YES1: variants seen among roughly 807,000 people sequenced by gnomAD.
YES1 encodes YES proto-oncogene 1, Src family tyrosine kinase, also known as tyrosine-protein kinase Yes.
In YES1, 39 loss-of-function variants were observed where a neutral mutation model predicts 70.4. That is an observed-to-expected ratio of 0.55 (90% CI 0.43 to 0.72). The LOEUF (loss-of-function observed/expected upper bound fraction) is 0.72. Among genes scored for constraint, YES1 ranks in the 30% least tolerant of loss-of-function variants. YES1 has a pLI of 0.00. For missense variants in YES1, 495 were observed against 644.8 expected (o/e 0.77, Z 2.52); for synonymous variants, 198 against 218.6 (o/e 0.91, Z 0.83).
intron 1 of YES1, among the ~76,000 whole-genome samples, chr18:804,011 A>G (rs1906955560): frequency 6.6e-6 from 1 of 152,214 alleles, no homozygotes; most frequent in African/African-American, 2.4e-5. Context: ...CTTTCAGAAC[A>G]CTGTAATTTT....
At chr18:801,829 T>A (rs984888245) in intron 1 of YES1, among the ~76,000 whole-genome samples, 1 of 152,218 alleles carries the variant, frequency 6.6e-6, no homozygotes, top group African/African-American at 2.4e-5. Context: ...ATTCTTTTGA[T>A]GAATTAAGTT....
intron 1 of YES1, among the ~76,000 whole-genome samples, chr18:788,293 C>T (rs1240220961): frequency 1.3e-5 from 2 of 152,034 alleles, no homozygotes; most frequent in Admixed American, 6.6e-5. Context: ...AGCCTTTTAG[C>T]GTGGGCTATA....
intron 1 of YES1, among the ~76,000 whole-genome samples, chr18:806,343 T>C (rs1568223491): frequency 6.6e-6 from 1 of 152,244 alleles, no homozygotes; most frequent in East Asian, 1.9e-4. Context: ...AAATGACCTT[T>C]AAATTCATAT....
At chr18:748,849 T>C (rs1598903491) in intron 3 of YES1, among the ~76,000 whole-genome samples, 1 of 152,002 alleles carries the variant, frequency 6.6e-6, no homozygotes, top group Non-Finnish European at 1.5e-5. Flanking sequence ...CAATTAACAA[T>C]GAGCAACAAA....
chr18:725,827 T>C (rs1354273720), intron 11 of YES1, among the ~76,000 whole-genome samples: 5 of 152,048 alleles, frequency 3.3e-5, no homozygotes, highest in Non-Finnish European at 4.4e-5. Context: ...GAGGTTGCAG[T>C]GAGCCGAGAT....
intron 10 of YES1, among the ~76,000 whole-genome samples, chr18:734,228 A>C (rs1460601248): frequency 6.6e-6 from 1 of 151,496 alleles, no homozygotes; most frequent in Admixed American, 6.6e-5. Context: ...GCAGTGAGCC[A>C]AGATCATGCC....
At chr18:775,133 C>A (rs1372485807) in intron 1 of YES1, 2 of 152,068 alleles carry the variant, frequency 1.3e-5, no homozygotes, top group Admixed American at 1.3e-4. Context: ...TAAAAGTAAA[C>A]CTCATAGAGT....
intron 3 of YES1, among the ~76,000 whole-genome samples, chr18:750,650 T>C (rs969372810): frequency 4.6e-5 from 7 of 152,176 alleles, no homozygotes; most frequent in African/African-American, 1.2e-4. Flanking sequence ...ACAGCTATGA[T>C]TGAGGTTTGC....
At chr18:775,384 C>T (rs866376994) in intron 1 of YES1, 1 of 152,280 alleles carries the variant, frequency 6.6e-6, no homozygotes, top group Admixed American at 6.5e-5. Context: ...CAGACCAAGA[C>T]ACCCTGTCAG....
Position 722,731 on chromosome 18 carries a change from T to G in YES1, c.*1693A>C, listed in dbSNP as rs1320683735. The G allele has an allele frequency of 6.6e-6, 1 of 152,192 alleles. No homozygotes were observed. The highest frequency in any genetic ancestry group is 1.5e-5 in the Non-Finnish European group (1 of 68,034). The allele number at this position is 152,192 out of a possible 1,614,324, so 9.4% of individuals were successfully genotyped here. On this transcript the variant is annotated 3_prime_UTR_variant, in exon 12 of 12. Coordinates refer to ENST00000314574, the MANE Select transcript of YES1 (RefSeq NM_005433.4). ...CCACCGTTAATATTCAGAATAAGTT[T>G]TCCTCCCCAAATCAACCATTTAATG...
In YES1 at chr18:732,824, G is replaced by A. The variant is rs1342481467; in HGVS notation, c.1423+10C>T. The A allele has an allele frequency of 6.8e-6, 11 of 1,613,936 alleles. No individual in the cohort carries two copies. Among genetic ancestry groups the A allele is most frequent in the Non-Finnish European group, 9.3e-6 (11 of 1,179,942 alleles). On this transcript the variant is annotated intron_variant, in intron 11 of 11. Transcript: ENST00000314574. ...ATGAGATAACCAAGAGCTATAAAAT[G>A]CAAGCTTACCTGGATATGGCACTCG...
intron 1 of YES1, among the ~76,000 whole-genome samples, chr18:762,170 A>G (rs1307675255): frequency 6.6e-6 from 1 of 152,208 alleles, no homozygotes; most frequent in Non-Finnish European, 1.5e-5. Flanking sequence ...AAAATACAAA[A>G]TTAGCTGGGC....
chr18:765,865 G>C (rs1904883447), intron 1 of YES1, among the ~76,000 whole-genome samples: 1 of 152,146 alleles, frequency 6.6e-6, no homozygotes, highest in South Asian at 2.1e-4. Context: ...TTTACCAAGA[G>C]CATTTCTTAA....
chr18:782,654 T>C (rs1224731258), intron 1 of YES1, among the ~76,000 whole-genome samples: 1 of 152,224 alleles, frequency 6.6e-6, no homozygotes, highest in Non-Finnish European at 1.5e-5. Context: ...ATGTGTGACA[T>C]CAATATAAAA....
At chr18:726,070 C>A (rs939989591) in intron 11 of YES1, among the ~76,000 whole-genome samples, 2 of 152,216 alleles carry the variant, frequency 1.3e-5, no homozygotes, top group East Asian at 1.9e-4. Flanking sequence ...TAGGATTAAG[C>A]AATCCAAATA....
chr18:769,085 G>C (rs753395913), intron 1 of YES1, among the ~76,000 whole-genome samples: 1 of 152,126 alleles, frequency 6.6e-6, no homozygotes, highest in Non-Finnish European at 1.5e-5. Flanking sequence ...TTGTAGCCTA[G>C]GAGCCATAGG....
chr18:724,737 G>GA, intron 11 of YES1, 105 bp from the exon 12 acceptor site: 3 of 814,116 alleles, frequency 3.7e-6, no homozygotes, highest in Non-Finnish European at 5.8e-6. Context: ...ATTATTTAGT[G>GA]AAACAATTCT....
chr18:811,137 T>C (rs1158716743), intron 1 of YES1, among the ~76,000 whole-genome samples: 1 of 152,224 alleles, frequency 6.6e-6, no homozygotes, highest in Non-Finnish European at 1.5e-5. Context: ...GAAGATACTA[T>C]AATCATATCA....
chr18:758,060 T>A lies in YES1; in HGVS notation c.-8-1225A>T, dbSNP rs1166589640. On this transcript the variant is annotated intron_variant, in intron 1 of 11. Coordinates refer to ENST00000314574, the MANE Select transcript of YES1 (RefSeq NM_005433.4). ...AGAAATATAATCTAAGTCACAAATG[T>A]GAGCCACATAATTTTAAATTTTCTA... Among the ~76,000 whole-genome samples the A allele has an allele frequency of 2.0e-5, 3 of 152,140 alleles. No homozygotes were observed. The East Asian group carries it at 5.8e-4, about 29-fold the overall frequency.
Sources: allele counts gnomAD v4.1 joint callset (sites outside exome capture counted in the v4.1 genomes callset), GRCh38; gene constraint gnomAD v4.1.1; transcripts MANE v1.5; gene names NCBI Gene and HGNC (gene_info 2026-07-23, HGNC 2026-07-21).